Variants in ZNF618 observed in about 807,000 individuals in gnomAD.
ZNF618 encodes the protein zinc finger protein 618.
A neutral mutation model predicts 103.0 loss-of-function variants in ZNF618; 34 were observed. The observed-to-expected ratio is 0.33, with a 90% CI of 0.25 to 0.44. ZNF618 has a LOEUF of 0.44. Ranked by LOEUF, ZNF618 falls within the 20% of genes least tolerant of loss-of-function variation. ZNF618 has a pLI of 1.00. For missense variants in ZNF618, 1,059 were observed against 1,295.4 expected (o/e 0.82, Z 2.80); for synonymous variants, 551 against 542.2 (o/e 1.02, Z -0.23).
chr9:114,010,115 G>T lies in ZNF618; in HGVS notation c.754+1561G>T, dbSNP rs577444084. Reference sequence around the variant, plus strand: ...ACCTGAGGTCAGGAGTTCAAGACCAGCCTGGCCAATATGGCGAAACCCCGT... The same window carrying T: ...ACCTGAGGTCAGGAGTTCAAGACCATCCTGGCCAATATGGCGAAACCCCGT... On this transcript the variant is annotated intron_variant, in intron 9 of 14. Transcript: ENST00000374126. Among the ~76,000 whole-genome samples the T allele has an allele frequency of 5.3e-5, 8 of 152,132 alleles. No homozygotes were observed. In the East Asian group the frequency reaches 1.6e-3, roughly 30 times the overall value.
chr9:114,011,824 A>G (rs1327596513), intron 9 of ZNF618, among the ~76,000 whole-genome samples: 1 of 152,206 alleles, frequency 6.6e-6, no homozygotes, highest in Non-Finnish European at 1.5e-5. Context: ...TCCTGCTAGA[A>G]AAGAGAGAGT....
chr9:113,879,547 C>G (rs1828312057), intron 1 of ZNF618, among the ~76,000 whole-genome samples: 1 of 151,602 alleles, frequency 6.6e-6, no homozygotes, highest in Admixed American at 6.6e-5. Context: ...GGCCTTGGCT[C>G]TCTCACCTCC....
intron 1 of ZNF618, among the ~76,000 whole-genome samples, chr9:113,960,989 C>T (rs1405890779): frequency 1.3e-5 from 2 of 152,208 alleles, no homozygotes; most frequent in Non-Finnish European, 2.9e-5. Context: ...AGTTCACGGG[C>T]CTTGGTTTCC....
chr9:114,017,310 C>T (rs2133962458), intron 10 of ZNF618, among the ~76,000 whole-genome samples: 2 of 152,202 alleles, frequency 1.3e-5, no homozygotes, highest in Middle Eastern at 6.8e-3. Context: ...CCAGCTGAGT[C>T]CCAGGCCTGC....
intron 10 of ZNF618, chr9:114,028,520 G>A: frequency 2.9e-6 from 2 of 690,528 alleles, no homozygotes; most frequent in Non-Finnish European, 4.7e-6. Context: ...GCTGGTTGGT[G>A]GCCTCCAGAT....
intron 2 of ZNF618, among the ~76,000 whole-genome samples, chr9:113,973,903 T>C (rs553867763): frequency 3.3e-5 from 5 of 152,336 alleles, no homozygotes; most frequent in Admixed American, 2.6e-4. Flanking sequence ...TATTTTGTTA[T>C]AGGTTGCCCA....
At chr9:113,916,331 C>T (rs1171953129) in intron 1 of ZNF618, among the ~76,000 whole-genome samples, 4 of 152,152 alleles carry the variant, frequency 2.6e-5, no homozygotes, top group Admixed American at 2.6e-4. Context: ...CGGTGGATTC[C>T]GCATCTTTCT....
In ZNF618 at chr9:114,008,259, T is replaced by C. The variant is rs955030849; in HGVS notation, c.641-85T>C. 1.3e-5 allele frequency: 21 copies of C among 1,572,966 alleles called. No homozygotes were observed. In the African/African-American group the frequency reaches 2.4e-4, roughly 18 times the overall value. ...CCATGGGGATAGGGGCTGGGAGCAG[T>C]GGCAGAGGCAGCTCTGGGCAGGGAC... On this transcript the variant is annotated intron_variant, in intron 7 of 14. Transcript: ENST00000374126.
At chr9:113,890,019 C>A (rs1829469851) in intron 1 of ZNF618, among the ~76,000 whole-genome samples, 2 of 152,086 alleles carry the variant, frequency 1.3e-5, no homozygotes, top group South Asian at 2.1e-4. Context: ...ATAACTTGCC[C>A]AGGGTCATTC....
chr9:114,035,759 C>G (rs1394157776), intron 12 of ZNF618, among the ~76,000 whole-genome samples: 1 of 152,104 alleles, frequency 6.6e-6, no homozygotes, highest in Non-Finnish European at 1.5e-5. Flanking sequence ...CCCTCTCCTC[C>G]CTTTCCGCAT....
intron 11 of ZNF618, among the ~76,000 whole-genome samples, chr9:114,029,482 C>T (rs1211553147): frequency 2.0e-5 from 3 of 152,146 alleles, no homozygotes; most frequent in Non-Finnish European, 4.4e-5. Flanking sequence ...GCCTTACTGC[C>T]TCCCCAACAC....
At chr9:113,876,856 C>T (rs907418412) in intron 1 of ZNF618, among the ~76,000 whole-genome samples, 1 of 151,402 alleles carries the variant, frequency 6.6e-6, no homozygotes, top group African/African-American at 2.4e-5. Flanking sequence ...CCCAGGTCCC[C>T]CATTTTTGCA....
At chr9:113,936,967 T>A (rs1457388199) in intron 1 of ZNF618, among the ~76,000 whole-genome samples, 1 of 152,124 alleles carries the variant, frequency 6.6e-6, no homozygotes, top group East Asian at 1.9e-4. Context: ...ATGGAGGGAG[T>A]TGAAACTTCC....
intron 13 of ZNF618, among the ~76,000 whole-genome samples, chr9:114,043,080 T>G (rs1845356603): frequency 1.3e-5 from 2 of 152,242 alleles, no homozygotes; most frequent in South Asian, 4.1e-4. Context: ...TTTTGCTGAG[T>G]TGTATTTCAT....
chr9:113,896,220 T>C (rs2131133949), intron 1 of ZNF618, among the ~76,000 whole-genome samples: 1 of 152,204 alleles, frequency 6.6e-6, no homozygotes, highest in East Asian at 1.9e-4. Context: ...CCGTTCTGCT[T>C]TCTTTAGATT....
chr9:113,887,013 C>G (rs1165389762), intron 1 of ZNF618, among the ~76,000 whole-genome samples: 1 of 114,132 alleles, frequency 8.8e-6, no homozygotes, highest in Admixed American at 1.2e-4. Context: ...AATGTGGCTA[C>G]TAGGGAAATT....
chr9:114,001,146 T>C lies in ZNF618; in HGVS notation c.434-850T>C, dbSNP rs571294524. Among the ~76,000 whole-genome samples, 36 of 152,328 alleles carry C rather than the reference T, an allele frequency of 2.4e-4. 1 individual carries two copies. In the South Asian group the frequency reaches 7.5e-3, roughly 32 times the overall value. On this transcript the variant is annotated intron_variant, in intron 4 of 14. Coordinates refer to ENST00000374126, the MANE Select transcript of ZNF618 (RefSeq NM_001318042.2). ...CCAGGCTGGATCTGAGGGGCTCTTC[T>C]TGGCTTCCTACCATGGGCCTTTGCT...
At chr9:114,002,783 G>A in intron 6 of ZNF618, 121 bp downstream of exon 6, 1 of 1,096,952 alleles carries the variant, frequency 9.1e-7, no homozygotes, top group Non-Finnish European at 1.3e-6. Flanking sequence ...CACAGTGCTG[G>A]GGTCCAAGCT....
chr9:114,037,345 T>C (rs1339181804), intron 13 of ZNF618, among the ~76,000 whole-genome samples: 1 of 152,164 alleles, frequency 6.6e-6, no homozygotes, highest in African/African-American at 2.4e-5. Context: ...GCAAGCACAC[T>C]TCTTTACCAT....
Sources: gnomAD v4.1 joint callset for allele counts (sites outside exome capture counted in the v4.1 genomes callset) on GRCh38, gnomAD v4.1.1 for gene constraint, MANE v1.5 for transcripts, NCBI Gene and HGNC (gene_info 2026-07-23, HGNC 2026-07-21) for gene names.